The following ADK variants were observed in gnomAD, a reference collection of about 807,000 sequenced individuals.
ADK encodes the protein N6,N6-dimethyladenosine kinase.
A neutral mutation model predicts 44.7 loss-of-function variants in ADK; 24 were observed. That is an observed-to-expected ratio of 0.54 (90% CI 0.39 to 0.76). ADK has a LOEUF of 0.76. Among genes scored for constraint, ADK ranks in the 30% least tolerant of loss-of-function variants. The pLI is 0.00. For synonymous variants in ADK, 128 were observed against 142.6 expected (o/e 0.90, Z 0.73); for missense variants, 321 against 425.1 (o/e 0.76, Z 2.15).
chr10:74,425,967 T>C (rs780908721), intron 6 of ADK, among the ~76,000 whole-genome samples: 1 of 152,190 alleles, frequency 6.6e-6, no homozygotes, highest in African/African-American at 2.4e-5. Context: ...TGGGGAAATA[T>C]AGAAAGAAAT....
intron 7 of ADK, among the ~76,000 whole-genome samples, chr10:74,547,504 A>G (rs1346948375): frequency 8.0e-6 from 1 of 124,784 alleles, no homozygotes; most frequent in Non-Finnish European, 1.6e-5. Context: ...TTTTTTGGAG[A>G]CAGAGCCTTG....
At chr10:74,323,313 C>A (rs1209005583) in intron 4 of ADK, among the ~76,000 whole-genome samples, 2 of 152,120 alleles carry the variant, frequency 1.3e-5, no homozygotes, top group Non-Finnish European at 2.9e-5. Context: ...CAAGGATGGT[C>A]TTTGCCATTT....
chr10:74,590,078 T>C (rs1002338771), intron 8 of ADK, among the ~76,000 whole-genome samples: 13 of 152,200 alleles, frequency 8.5e-5, no homozygotes, highest in Non-Finnish European at 1.3e-4. Flanking sequence ...TCCAACTGAT[T>C]GTTAGAAAAC....
chr10:74,267,666 C>T (rs1017181937), intron 3 of ADK, among the ~76,000 whole-genome samples: 3 of 151,684 alleles, frequency 2.0e-5, no homozygotes, highest in African/African-American at 7.3e-5. Context: ...AAGCTTGATG[C>T]AGAGGTTCAA....
chr10:74,535,112 A>ATC (rs1467362811), intron 7 of ADK, among the ~76,000 whole-genome samples: 2 of 152,200 alleles, frequency 1.3e-5, no homozygotes, highest in Non-Finnish European at 2.9e-5. Flanking sequence ...AGCTGTAAAC[A>ATC]TCTGTATTCA....
At chr10:74,522,663 A>G (rs1156461259) in intron 6 of ADK, among the ~76,000 whole-genome samples, 1 of 152,128 alleles carries the variant, frequency 6.6e-6, no homozygotes, top group African/African-American at 2.4e-5. Context: ...TAAACTTTTC[A>G]GAGTTTGCAT....
At chr10:74,376,402 A>G (rs568502119) in intron 4 of ADK, among the ~76,000 whole-genome samples, 46 of 152,202 alleles carry the variant, frequency 3.0e-4, no homozygotes, top group African/African-American at 1.1e-3. Flanking sequence ...TTTATTATCG[A>G]AAGTTTCAAA....
chr10:74,552,623 A>G (rs1387688662), intron 7 of ADK, among the ~76,000 whole-genome samples: 1 of 149,496 alleles, frequency 6.7e-6, no homozygotes, highest in Non-Finnish European at 1.5e-5. Context: ...TTTTTTTTTT[A>G]AGGATACCAT....
intron 3 of ADK, among the ~76,000 whole-genome samples, chr10:74,285,682 A>G (rs887730180): frequency 2.6e-4 from 40 of 152,110 alleles, no homozygotes; most frequent in Non-Finnish European, 2.1e-4. Flanking sequence ...CCCTGTCTCA[A>G]ACAAAACAAA....
chr10:74,618,639 G>A (rs974286533), intron 9 of ADK, among the ~76,000 whole-genome samples: 1 of 152,098 alleles, frequency 6.6e-6, no homozygotes, highest in Non-Finnish European at 1.5e-5. Context: ...CTTTCAATGT[G>A]TATAGTTCTC....
At chr10:74,283,790 C>T (rs1308472660) in intron 3 of ADK, among the ~76,000 whole-genome samples, 1 of 150,728 alleles carries the variant, frequency 6.6e-6, no homozygotes, top group South Asian at 2.1e-4. Context: ...ACGCCATTCT[C>T]CTGCCTCAGC....
intron 3 of ADK, among the ~76,000 whole-genome samples, chr10:74,308,524 T>TC (rs1195483250): frequency 2.0e-5 from 3 of 152,026 alleles, no homozygotes; most frequent in South Asian, 2.1e-4. Flanking sequence ...GCCTGTCGAT[T>TC]CCCCCCCTGT....
At chr10:74,559,696 G>C (rs1850385597) in intron 7 of ADK, among the ~76,000 whole-genome samples, 2 of 152,032 alleles carry the variant, frequency 1.3e-5, no homozygotes, top group Admixed American at 1.3e-4. Context: ...ATTTAAAATG[G>C]TATTTTATTG....
At chr10:74,392,858 GTTCCACAGAGC>G (rs1416077209) in intron 4 of ADK, among the ~76,000 whole-genome samples, 13 of 152,036 alleles carry the variant, frequency 8.6e-5, no homozygotes, top group Non-Finnish European at 1.5e-4. Flanking sequence ...TAGAAGGAGT[GTTCCACAGAGC>G]TTTTCCTTTT....
At chr10:74,384,672 A>G (rs551293952) in intron 4 of ADK, among the ~76,000 whole-genome samples, 2 of 152,300 alleles carry the variant, frequency 1.3e-5, no homozygotes, top group East Asian at 1.9e-4. Flanking sequence ...CTCCGTCTCA[A>G]AAAAATAAAA....
chr10:74,663,449 G>A lies in ADK; in HGVS notation c.878-6734G>A, dbSNP rs553418500. Among the ~76,000 whole-genome samples, 44 of 151,826 alleles carry A rather than the reference G, an allele frequency of 2.9e-4. No homozygotes were observed. In the South Asian group the frequency reaches 3.5e-3, roughly 12 times the overall value. On this transcript the variant is annotated intron_variant, in intron 9 of 10. Coordinates refer to ENST00000539909, the MANE Select transcript of ADK (RefSeq NM_006721.4). ...TTTATTAAATAAAATAGCTAAGCCCGAACTAGACTAAAACTATGGCTTTTT... is the reference window on the plus strand; with the variant it reads ...TTTATTAAATAAAATAGCTAAGCCCAAACTAGACTAAAACTATGGCTTTTT...
chr10:74,293,843 C>G (rs1215523104), intron 3 of ADK, among the ~76,000 whole-genome samples: 1 of 152,126 alleles, frequency 6.6e-6, no homozygotes, highest in Non-Finnish European at 1.5e-5. Context: ...AAGTGTACAG[C>G]TGAAAGAATT....
chr10:74,577,223 G>A (rs1851225679), intron 7 of ADK, among the ~76,000 whole-genome samples: 1 of 147,572 alleles, frequency 6.8e-6, no homozygotes, highest in Non-Finnish European at 1.5e-5. Flanking sequence ...CTTCTTTGTA[G>A]ATGTGGGGTA....
intron 3 of ADK, among the ~76,000 whole-genome samples, chr10:74,227,621 A>G (rs1208370367): frequency 6.6e-6 from 1 of 152,210 alleles, no homozygotes; most frequent in Non-Finnish European, 1.5e-5. Flanking sequence ...AGGTGGGTGG[A>G]TCACCTGAGG....
Sources: gnomAD v4.1 joint callset for allele counts (sites outside exome capture counted in the v4.1 genomes callset) on GRCh38, gnomAD v4.1.1 for gene constraint, MANE v1.5 for transcripts, NCBI Gene and HGNC (gene_info 2026-07-23, HGNC 2026-07-21) for gene names.